Variants in TNPO3 observed in about 807,000 individuals in gnomAD.
TNPO3 encodes transportin-3.
Under a neutral mutation model 122.8 loss-of-function variants are expected in TNPO3, and 65 were observed. The ratio of observed to expected loss-of-function variants is 0.53; its 90% CI spans 0.43 to 0.65. TNPO3 has a LOEUF of 0.65. Among genes scored for constraint, TNPO3 ranks in the 30% least tolerant of loss-of-function variants. The pLI, the probability that TNPO3 is intolerant of heterozygous loss-of-function variation, is 0.00. For missense variants in TNPO3, 850 were observed against 1,136.7 expected (o/e 0.75, Z 3.63); for synonymous variants, 372 against 411.2 (o/e 0.90, Z 1.15).
At chr7:129,003,597 T>C (rs1004708311) in intron 5 of TNPO3, among the ~76,000 whole-genome samples, 11 of 151,924 alleles carry the variant, frequency 7.2e-5, no homozygotes, top group Non-Finnish European at 1.6e-4. Context: ...GCCAGGAGTT[T>C]GAGACTACAG....
At chr7:129,015,280 G>T in intron 3 of TNPO3, 145 bp from the exon 4 acceptor site, 1 of 749,250 alleles carries the variant, frequency 1.3e-6, no homozygotes. Context: ...AAACATAAAT[G>T]TCCTCCATAA....
Position 128,974,868 on chromosome 7 carries a change from C to T in TNPO3, c.2273G>A (p.Arg758Lys). Residue 758 changes from arginine to lysine, a missense_variant and splice_region_variant, in exon 18 of 23, where the codon AGG becomes AAG. Transcript: ENST00000265388. ...AAATGGGCTCTTCAGAAGGATTTAC[C>T]TGGTGGCTAGCCGGAACAGGTCATC... Reference protein sequence around the residue: ...TVDDLFRLATRFIQRSPVTLL... With the variant: ...TVDDLFRLATKFIQRSPVTLL... 1.2e-6 allele frequency: 2 copies of T among 1,613,418 alleles called. No homozygotes were observed. Among genetic ancestry groups the T allele is most frequent in the South Asian group, 1.1e-5 (1 of 91,060 alleles).
At chr7:129,054,518 C>T in intron 1 of TNPO3, 133 bp downstream of exon 1, 4 of 1,397,882 alleles carry the variant, frequency 2.9e-6, no homozygotes, top group Non-Finnish European at 3.8e-6. Flanking sequence ...CTTCGCAGCC[C>T]CACCCCACGA....
chr7:129,053,494 C>CAAAAAA (rs752196402), intron 1 of TNPO3, among the ~76,000 whole-genome samples: 1 of 59,502 alleles, frequency 1.7e-5, no homozygotes. Flanking sequence ...GACTCTGTCT[C>CAAAAAA]AAAAAAAAAA....
At chr7:128,961,567 G>A (rs1012213360) in intron 21 of TNPO3, among the ~76,000 whole-genome samples, 9 of 151,924 alleles carry the variant, frequency 5.9e-5, no homozygotes, top group Admixed American at 3.9e-4. Flanking sequence ...TTTCTGTCTC[G>A]GTCCTTCTGA....
chr7:129,014,103 T>C, intron 4 of TNPO3, among the ~76,000 whole-genome samples: 1 of 152,026 alleles, frequency 6.6e-6, no homozygotes, highest in Admixed American at 6.5e-5. Context: ...TACTTCAAAA[T>C]AGCTGAAAGA....
At chr7:129,041,402 T>C (rs1343552833) in intron 1 of TNPO3, among the ~76,000 whole-genome samples, 3 of 152,044 alleles carry the variant, frequency 2.0e-5, no homozygotes, top group Non-Finnish European at 4.4e-5. Flanking sequence ...GGCTACTGAG[T>C]CATAAAGAAA....
intron 11 of TNPO3, among the ~76,000 whole-genome samples, chr7:128,989,250 T>C (rs1010391819): frequency 6.6e-6 from 1 of 152,144 alleles, no homozygotes; most frequent in Non-Finnish European, 1.5e-5. Context: ...AATAAAGATA[T>C]ACACAGGAAA....
intron 21 of TNPO3, among the ~76,000 whole-genome samples, chr7:128,962,351 G>A (rs1284697180): frequency 5.1e-5 from 7 of 136,974 alleles, no homozygotes; most frequent in East Asian, 2.1e-4. Context: ...CGGCCTGGGC[G>A]ACAGAGCGAG....
intron 5 of TNPO3, among the ~76,000 whole-genome samples, chr7:129,002,818 TG>T (rs1216649038): frequency 6.6e-6 from 1 of 151,870 alleles, no homozygotes; most frequent in African/African-American, 2.4e-5. Context: ...TTTGGGAGGC[TG>T]AGGCCGGTAG....
At chr7:129,051,609 T>G (rs1584598827) in intron 1 of TNPO3, among the ~76,000 whole-genome samples, 1 of 152,152 alleles carries the variant, frequency 6.6e-6, no homozygotes, top group Non-Finnish European at 1.5e-5. Context: ...GTGCTGGGAT[T>G]ACAGGCAAGA....
At chr7:129,049,275 A>C (rs1808420059) in intron 1 of TNPO3, among the ~76,000 whole-genome samples, 1 of 152,232 alleles carries the variant, frequency 6.6e-6, no homozygotes, top group African/African-American at 2.4e-5. Flanking sequence ...GAGTCTAAAG[A>C]TGCAGACAAG....
chr7:129,034,082 T>C (rs1806278444), intron 1 of TNPO3, among the ~76,000 whole-genome samples: 1 of 152,030 alleles, frequency 6.6e-6, no homozygotes, highest in Non-Finnish European at 1.5e-5. Flanking sequence ...TTACTAAGCC[T>C]TCAAAAGGAA....
chr7:129,046,942 G>A (rs1344396487), intron 1 of TNPO3, among the ~76,000 whole-genome samples: 1 of 152,132 alleles, frequency 6.6e-6, no homozygotes, highest in African/African-American at 2.4e-5. Flanking sequence ...GCCACAAATC[G>A]GGGGGTATTA....
At chr7:128,993,161 G>A (rs1800935272) in intron 9 of TNPO3, among the ~76,000 whole-genome samples, 2 of 150,536 alleles carry the variant, frequency 1.3e-5, no homozygotes, top group Admixed American at 6.6e-5. Flanking sequence ...GGTTAGTTTA[G>A]TATTGCTGTG....
chr7:128,955,124 C>T lies in TNPO3; in HGVS notation c.*293G>A. On this transcript the variant is annotated 3_prime_UTR_variant, in exon 23 of 23. Coordinates refer to ENST00000265388, the MANE Select transcript of TNPO3 (RefSeq NM_012470.4). ...TTTTCTTTACTTAAAATTATTTTTC[C>T]TTTTAGAAAGTTCACCAGGAAACCA... 293 of 291,336 alleles carry T rather than the reference C, an allele frequency of 1.0e-3. No individual in the cohort carries two copies. Among genetic ancestry groups the T allele is most frequent in the South Asian group, 1.6e-3 (57 of 36,214 alleles). The allele number at this position is 291,336 out of a possible 1,614,324, so 18.0% of individuals were successfully genotyped here.
At chr7:128,994,492 G>T (rs1801097284) in intron 8 of TNPO3, among the ~76,000 whole-genome samples, 2 of 152,036 alleles carry the variant, frequency 1.3e-5, no homozygotes, top group African/African-American at 4.8e-5. Flanking sequence ...TTTGTTGTTG[G>T]AAAAATGTGG....
At chr7:129,004,890 T>C (rs755365756) in intron 5 of TNPO3, 126 bp downstream of exon 5, 4 of 833,564 alleles carry the variant, frequency 4.8e-6, no homozygotes, top group African/African-American at 1.7e-5. Flanking sequence ...GGAAGGAACA[T>C]TGCTGCATTC....
intron 1 of TNPO3, among the ~76,000 whole-genome samples, chr7:129,035,362 G>A (rs1584587924): frequency 1.3e-5 from 2 of 152,192 alleles, no homozygotes; most frequent in East Asian, 3.8e-4. Context: ...TAGCACTTTG[G>A]GAGGCTGAGG....
Sources: allele counts gnomAD v4.1 joint callset (sites outside exome capture counted in the v4.1 genomes callset), GRCh38; gene constraint gnomAD v4.1.1; transcripts MANE v1.5; gene names NCBI Gene and HGNC (gene_info 2026-07-23, HGNC 2026-07-21).